CNTNAP4: variants seen among roughly 807,000 people sequenced by gnomAD.
CNTNAP4 encodes contactin-associated protein-like 4.
In CNTNAP4, 98 loss-of-function variants were observed where a neutral mutation model predicts 148.4. The ratio of observed to expected loss-of-function variants is 0.66; its 90% CI spans 0.56 to 0.78. The LOEUF is 0.78. Among genes scored for constraint, CNTNAP4 ranks in the 30% least tolerant of loss-of-function variants. The pLI, the probability that CNTNAP4 is intolerant of heterozygous loss-of-function variation, is 0.00. For synonymous variants in CNTNAP4, 730 were observed against 565.1 expected (o/e 1.29, Z -4.14); for missense variants, 1,935 against 1,565.6 (o/e 1.24, Z -3.98).
At chr16:76,456,490 T>C (rs2080735824) in intron 8 of CNTNAP4, among the ~76,000 whole-genome samples, 1 of 152,232 alleles carries the variant, frequency 6.6e-6, no homozygotes, top group South Asian at 2.1e-4. Flanking sequence ...TTGAGGTTTG[T>C]ACAATAGCCT....
chr16:76,515,182 C>G (rs1230224220), intron 15 of CNTNAP4, among the ~76,000 whole-genome samples: 2 of 152,188 alleles, frequency 1.3e-5, no homozygotes, highest in Middle Eastern at 3.4e-3. Flanking sequence ...CAGTTGCAAA[C>G]CACCTATCTG....
intron 17 of CNTNAP4, among the ~76,000 whole-genome samples, chr16:76,533,249 C>T (rs562386887): frequency 6.6e-6 from 1 of 152,166 alleles, no homozygotes; most frequent in South Asian, 2.1e-4. Context: ...GAAAGTTAAA[C>T]ACAGCATGGT....
At chr16:76,418,114 TTC>T (rs1421881032) in intron 3 of CNTNAP4, among the ~76,000 whole-genome samples, 12 of 151,694 alleles carry the variant, frequency 7.9e-5, no homozygotes, top group Non-Finnish European at 1.8e-4. Flanking sequence ...TTCATGTTTA[TTC>T]TCTGAGTTTC....
chr16:76,464,106 G>A (rs559394123), intron 9 of CNTNAP4, among the ~76,000 whole-genome samples: 1 of 152,266 alleles, frequency 6.6e-6, no homozygotes, highest in Admixed American at 6.5e-5. Context: ...CAGAAGACCT[G>A]CTGCCAAACT....
intron 15 of CNTNAP4, among the ~76,000 whole-genome samples, chr16:76,514,062 A>G (rs2083135390): frequency 6.6e-6 from 1 of 152,192 alleles, no homozygotes; most frequent in Non-Finnish European, 1.5e-5. Flanking sequence ...CCTTGAATTT[A>G]TAATATGTTC....
At chr16:76,541,877 A>G (rs867747945) in intron 21 of CNTNAP4, among the ~76,000 whole-genome samples, 2 of 152,228 alleles carry the variant, frequency 1.3e-5, no homozygotes, top group South Asian at 2.1e-4. Context: ...ATATGTGCAA[A>G]GTACTTCTTA....
At chr16:76,303,662 T>C (rs1046219224) in intron 1 of CNTNAP4, among the ~76,000 whole-genome samples, 2 of 152,202 alleles carry the variant, frequency 1.3e-5, no homozygotes, top group African/African-American at 4.8e-5. Flanking sequence ...TCTTTCTTAA[T>C]AAATTGTGGC....
intron 3 of CNTNAP4, among the ~76,000 whole-genome samples, chr16:76,424,499 A>T (rs1461129476): frequency 2.0e-5 from 3 of 152,140 alleles, no homozygotes; most frequent in Admixed American, 6.5e-5. Flanking sequence ...CACGCCTGTA[A>T]TCCTAACACC....
intron 4 of CNTNAP4, among the ~76,000 whole-genome samples, chr16:76,445,295 C>T (rs1051154150): frequency 6.6e-6 from 1 of 152,136 alleles, no homozygotes; most frequent in Non-Finnish European, 1.5e-5. Context: ...CCTGTTACAA[C>T]CTGTAATGCT....
At chr16:76,495,494 A>T (rs761663243) in intron 14 of CNTNAP4, among the ~76,000 whole-genome samples, 12 of 152,096 alleles carry the variant, frequency 7.9e-5, no homozygotes, top group Admixed American at 1.3e-4. Flanking sequence ...TATATTTTTA[A>T]AAAGACAAAT....
intron 15 of CNTNAP4, among the ~76,000 whole-genome samples, chr16:76,502,824 T>A (rs1465230286): frequency 6.6e-6 from 1 of 151,892 alleles, no homozygotes; most frequent in African/African-American, 2.4e-5. Context: ...GAAAAAAAAG[T>A]GAGAATGAAA....
chr16:76,439,466 G>A (rs906593352), intron 4 of CNTNAP4, among the ~76,000 whole-genome samples: 1 of 152,140 alleles, frequency 6.6e-6, no homozygotes, highest in Admixed American at 6.6e-5. Flanking sequence ...TAAGGAAACT[G>A]AGAATCAACA....
At chr16:76,526,090 A>T (rs1030207708) in intron 17 of CNTNAP4, among the ~76,000 whole-genome samples, 4 of 152,114 alleles carry the variant, frequency 2.6e-5, no homozygotes, top group East Asian at 1.9e-4. Context: ...GGGGACTTCT[A>T]TGTCAAGTAG....
chr16:76,362,460 A>G (rs961369600), intron 3 of CNTNAP4, among the ~76,000 whole-genome samples: 1 of 152,212 alleles, frequency 6.6e-6, no homozygotes, highest in Non-Finnish European at 1.5e-5. Flanking sequence ...TTTTTTGAAT[A>G]TCCAAAACAA....
chr16:76,526,233 C>T (rs756170357), intron 17 of CNTNAP4, among the ~76,000 whole-genome samples: 1 of 151,832 alleles, frequency 6.6e-6, no homozygotes, highest in Non-Finnish European at 1.5e-5. Flanking sequence ...CAGGCCATGG[C>T]TCAAAGTGGT....
At chr16:76,332,953 C>T (rs1004250936) in intron 2 of CNTNAP4, among the ~76,000 whole-genome samples, 5 of 152,112 alleles carry the variant, frequency 3.3e-5, no homozygotes, top group South Asian at 2.1e-4. Flanking sequence ...GACGGACTGA[C>T]CAGGAAGGTC....
intron 3 of CNTNAP4, among the ~76,000 whole-genome samples, chr16:76,360,610 A>G (rs1039557783): frequency 5.3e-5 from 8 of 152,232 alleles, no homozygotes; most frequent in African/African-American, 1.9e-4. Context: ...GCACTGCAGT[A>G]CTTGCTTAGT....
chr16:76,407,542 A>G (rs2078637432), intron 3 of CNTNAP4, among the ~76,000 whole-genome samples: 1 of 152,090 alleles, frequency 6.6e-6, no homozygotes, highest in Admixed American at 6.6e-5. Context: ...GAGGGGTTCA[A>G]GACTTCAGTG....
At chr16:76,366,554 T>C (rs2014159427) in intron 3 of CNTNAP4, among the ~76,000 whole-genome samples, 1 of 152,232 alleles carries the variant, frequency 6.6e-6, no homozygotes, top group Non-Finnish European at 1.5e-5. Flanking sequence ...TTTATGTTGA[T>C]TCCATGTCTT....
Sources: allele counts gnomAD v4.1 joint callset (sites outside exome capture counted in the v4.1 genomes callset), GRCh38; gene constraint gnomAD v4.1.1; transcripts MANE v1.5; gene names NCBI Gene and HGNC (gene_info 2026-07-23, HGNC 2026-07-21).